The following CDH4 variants were observed in gnomAD, a reference collection of about 807,000 sequenced individuals.
CDH4 encodes the protein cadherin-4.
Under a neutral mutation model 86.0 loss-of-function variants are expected in CDH4, and 33 were observed. That is an observed-to-expected ratio of 0.38 (90% CI 0.29 to 0.51). The LOEUF (loss-of-function observed/expected upper bound fraction) is 0.51, where lower values mean the gene tolerates loss of function less well. CDH4 is among the 20% of genes least tolerant of loss of function. The pLI is 0.86. For missense variants in CDH4, 1,114 were observed against 1,307.4 expected (o/e 0.85, Z 2.28); for synonymous variants, 555 against 549.4 (o/e 1.01, Z -0.14).
In CDH4 at chr20:61,274,676, G is replaced by A. The variant is rs189921570; in HGVS notation, c.169+19739G>A. Reference sequence around the variant, plus strand: ...ACCGTGTGCGGTTTGGGGGAATACCGAGTGCAGTTTGGGGAAGTACCATGG... The same window carrying A: ...ACCGTGTGCGGTTTGGGGGAATACCAAGTGCAGTTTGGGGAAGTACCATGG... On this transcript the variant is annotated intron_variant, in intron 2 of 15. Coordinates refer to ENST00000614565, the MANE Select transcript of CDH4 (RefSeq NM_001794.5). 2.9e-3 allele frequency among the ~76,000 whole-genome samples: 375 copies of A among 129,728 alleles called. 2 individuals are homozygous for A. Among genetic ancestry groups the A allele is most frequent in the African/African-American group, 0.01 (353 of 33,824 alleles). The allele number at this position is 129,728 out of a possible 152,430, so 85.1% of individuals were successfully genotyped here.
At chr20:61,678,781 C>T (rs986221367) in intron 2 of CDH4, among the ~76,000 whole-genome samples, 1 of 152,196 alleles carries the variant, frequency 6.6e-6, no homozygotes, top group African/African-American at 2.4e-5. Flanking sequence ...CCCATCCCTG[C>T]CTCCAGCCTC....
At chr20:61,774,971 C>T (rs67559116) in intron 4 of CDH4, among the ~76,000 whole-genome samples, 37,732 of 152,030 alleles carry the variant, frequency 0.25, 5,706 homozygotes, top group East Asian at 0.36. Flanking sequence ...TTGTGAATAG[C>T]GCTGCAATGA....
Position 61,364,845 on chromosome 20 carries a change from C to A in CDH4, c.169+109908C>A, listed in dbSNP as rs571083812. ...AAGATCCCTTGTGGCTTTCACAGTGCGGCCCCCGACGAGCAGTGGTGACAG... is the reference window on the plus strand; with the variant it reads ...AAGATCCCTTGTGGCTTTCACAGTGAGGCCCCCGACGAGCAGTGGTGACAG... On this transcript the variant is annotated intron_variant, in intron 2 of 15. Coordinates refer to ENST00000614565, the MANE Select transcript of CDH4 (RefSeq NM_001794.5). Among the ~76,000 whole-genome samples, 3 of 152,166 alleles carry A rather than the reference C, an allele frequency of 2.0e-5. No individual in the cohort carries two copies. In the Middle Eastern group the frequency reaches 9.6e-3, roughly 485 times the overall value.
At chr20:61,866,590 G>A (rs1279992345) in intron 6 of CDH4, among the ~76,000 whole-genome samples, 1 of 152,210 alleles carries the variant, frequency 6.6e-6, no homozygotes, top group Non-Finnish European at 1.5e-5. Context: ...AGAAGGAGAA[G>A]CAGCAGAAAG....
At chr20:61,315,801 T>G (rs2084473076) in intron 2 of CDH4, among the ~76,000 whole-genome samples, 2 of 152,240 alleles carry the variant, frequency 1.3e-5, no homozygotes, top group African/African-American at 4.8e-5. Flanking sequence ...ACTCATGGTC[T>G]CAAGCAATCT....
chr20:61,855,176 G>A (rs1355947053), intron 6 of CDH4, among the ~76,000 whole-genome samples: 1 of 148,226 alleles, frequency 6.7e-6, no homozygotes, highest in Non-Finnish European at 1.5e-5. Context: ...AGTGTGAACA[G>A]GGTGAATTGT....
chr20:61,432,236 T>A (rs2145517136), intron 2 of CDH4, among the ~76,000 whole-genome samples: 1 of 152,308 alleles, frequency 6.6e-6, no homozygotes, highest in Admixed American at 6.5e-5. Context: ...GGTTGAACCA[T>A]TTTACATTCT....
At chr20:61,733,814 A>G (rs539047257) in intron 2 of CDH4, among the ~76,000 whole-genome samples, 118 of 152,358 alleles carry the variant, frequency 7.7e-4, no homozygotes, top group African/African-American at 2.7e-3. Context: ...GGTCCCAGCT[A>G]CAAGCTCACC....
At position 61,743,735 on chromosome 20, in the gene CDH4, C is replaced by T. The variant is rs776377387; in HGVS notation, c.342C>T (p.Asp114=). ...AWDSQTAEKW[D]AVVRLLVAQT... ...ACAGCCAGACAGCAGAGAAATGGGA[C>T]GCCGTGGTGCGGTTGCTGGTGGCCC... The change falls in exon 3 of 16, where the codon GAC becomes GAT. Residue 114 remains aspartate (D), a synonymous_variant. Transcript: ENST00000614565. 5.1e-5 allele frequency: 82 copies of T among 1,610,832 alleles called. No individual in the cohort carries two copies. The Middle Eastern group carries it at 3.1e-3, about 62-fold the overall frequency.
At chr20:61,713,955 G>A (rs2145902329) in intron 2 of CDH4, among the ~76,000 whole-genome samples, 1 of 152,280 alleles carries the variant, frequency 6.6e-6, no homozygotes, top group Admixed American at 6.5e-5. Context: ...GCGGGACTCA[G>A]CACATCAGCC....
At chr20:61,532,656 A>C (rs896885714) in intron 2 of CDH4, among the ~76,000 whole-genome samples, 2 of 152,132 alleles carry the variant, frequency 1.3e-5, no homozygotes, top group African/African-American at 2.4e-5. Flanking sequence ...CCAAAGCACC[A>C]CGTTTCTAAT....
At chr20:61,672,506 G>A (rs1188076162) in intron 2 of CDH4, among the ~76,000 whole-genome samples, 1 of 152,216 alleles carries the variant, frequency 6.6e-6, no homozygotes, top group African/African-American at 2.4e-5. Flanking sequence ...TGTCCGTGAA[G>A]TGTGTTCACA....
chr20:61,922,123 G>T lies in CDH4; in HGVS notation c.1375-1328G>T, dbSNP rs143124440. ...AGCCCACCATTGCTGATGGATGTTT[G>T]GGTCATTTCCAGCATATTGTCTCGA... On this transcript the variant is annotated intron_variant, in intron 9 of 15. Transcript: ENST00000614565. 1.2e-3 allele frequency among the ~76,000 whole-genome samples: 187 copies of T among 152,258 alleles called. 1 individual carries two copies. Among genetic ancestry groups the T allele is most frequent in the African/African-American group, 4.1e-3 (169 of 41,546 alleles).
chr20:61,704,143 C>T (rs1423420322), intron 2 of CDH4, among the ~76,000 whole-genome samples: 2 of 152,050 alleles, frequency 1.3e-5, no homozygotes, highest in Non-Finnish European at 2.9e-5. Context: ...GGACAGTCCT[C>T]GGCATCTCCA....
chr20:61,390,473 A>G (rs8117701), intron 2 of CDH4, among the ~76,000 whole-genome samples: 21 of 113,550 alleles, frequency 1.8e-4, no homozygotes, highest in East Asian at 7.7e-4. Context: ...GGGTTCGTAC[A>G]GTCATAGGGT....
At chr20:61,699,268 G>T (rs1041978072) in intron 2 of CDH4, among the ~76,000 whole-genome samples, 5 of 152,138 alleles carry the variant, frequency 3.3e-5, no homozygotes, top group South Asian at 2.1e-4. Context: ...ATGCTGGCCA[G>T]CATGCGGCCT....
intron 3 of CDH4, among the ~76,000 whole-genome samples, chr20:61,766,072 C>T (rs2088694954): frequency 6.6e-6 from 1 of 151,942 alleles, no homozygotes; most frequent in East Asian, 1.9e-4. Flanking sequence ...CACTAGGCCA[C>T]CCAGGAAGGA....
At chr20:61,361,813 C>T (rs1011100055) in intron 2 of CDH4, among the ~76,000 whole-genome samples, 13 of 152,198 alleles carry the variant, frequency 8.5e-5, no homozygotes, top group East Asian at 1.9e-4. Flanking sequence ...ACCCGGGGTG[C>T]CTGCCCGCAA....
rs565726996 is a variant in CDH4 at position 61,829,914 on chromosome 20, C to T, written c.577-14754C>T. 1.4e-4 allele frequency among the ~76,000 whole-genome samples: 22 copies of T among 152,160 alleles called. No individual in the cohort carries two copies. Among genetic ancestry groups the T allele is most frequent in the African/African-American group, 5.1e-4 (21 of 41,512 alleles). Reference sequence around the variant, plus strand: ...GGGAGGGACGAGGCTCCTGCCCGGCCGGCCCTGGGGCTGGGAGGCAGGTGT... The same window carrying T: ...GGGAGGGACGAGGCTCCTGCCCGGCTGGCCCTGGGGCTGGGAGGCAGGTGT... On this transcript the variant is annotated intron_variant, in intron 4 of 15. Coordinates refer to ENST00000614565, the MANE Select transcript of CDH4 (RefSeq NM_001794.5). This position sits in a 1 kb window ranked among gnomAD's most constrained non-coding sequence, Gnocchi z 4.2.
Sources: allele counts gnomAD v4.1 joint callset (sites outside exome capture counted in the v4.1 genomes callset), GRCh38; gene constraint gnomAD v4.1.1; non-coding constraint Gnocchi (gnomAD v3.1); transcripts MANE v1.5; gene names NCBI Gene and HGNC (gene_info 2026-07-23, HGNC 2026-07-21).